Variants in MAP1B observed in about 807,000 individuals in gnomAD.
MAP1B encodes the protein microtubule associated protein 1B, also known as microtubule-associated protein 1B.
In MAP1B, 12 loss-of-function variants were observed where a neutral mutation model predicts 176.1. That is an observed-to-expected ratio of 0.07 (90% CI 0.04 to 0.11). The LOEUF (loss-of-function observed/expected upper bound fraction) is 0.11. MAP1B is among the 10% of genes least tolerant of loss of function. The pLI, the probability that MAP1B is intolerant of heterozygous loss-of-function variation, is 1.00. For synonymous variants in MAP1B, 1,044 were observed against 1,135.0 expected (o/e 0.92, Z 1.61); for missense variants, 2,523 against 2,990.5 (o/e 0.84, Z 3.65).
At chr5:72,201,242 C>T (rs767470371) in intron 5 of MAP1B, among the ~76,000 whole-genome samples, 4 of 80,338 alleles carry the variant, frequency 5.0e-5, no homozygotes, top group African/African-American at 2.4e-4. Context: ...TGTGGTGGCA[C>T]GTGCTTATAG....
intron 2 of MAP1B, among the ~76,000 whole-genome samples, chr5:72,152,485 C>T (rs192374532): frequency 1.1e-3 from 163 of 152,276 alleles, no homozygotes; most frequent in African/African-American, 3.8e-3. Flanking sequence ...CTCACTCTGT[C>T]ACTCAGGCTG....
rs1316332613 is a variant in MAP1B at position 72,203,796 on chromosome 5, A to G, written c.7246A>G (p.Met2416Val). Residue 2416 changes from methionine to valine, a missense_variant, in exon 6 of 7, where the codon ATG becomes GTG. Physicochemically the swap from Met to Val is conservative, Grantham distance 21. Transcript: ENST00000296755. ...AGGAAAGGCTCAGTGGGGCAGCAAC[A>G]TGCAGGTGAGAACTCCTCGACAGTG... is the stretch of plus-strand genomic sequence containing the variant. ...LEGKAQWGSN[M>V]QVTLIPTHDS... 5 of 1,612,162 alleles carry G rather than the reference A, an allele frequency of 3.1e-6. No individual in the cohort carries two copies. Among genetic ancestry groups the G allele is most frequent in the Admixed American group, 1.7e-5 (1 of 60,004 alleles).
chr5:72,153,764 A>C (rs551094324), intron 2 of MAP1B, among the ~76,000 whole-genome samples: 1 of 152,284 alleles, frequency 6.6e-6, no homozygotes, highest in African/African-American at 2.4e-5. Flanking sequence ...TGTTTAGAGA[A>C]CATTGGTCAA....
At position 72,194,817 on chromosome 5, in the gene MAP1B, C is replaced by T. The variant is rs770742484; in HGVS notation, c.1462C>T (p.Leu488=). ...ANPAEKIIRV[L]FPGNSTQYNI... is the part of the protein sequence containing the mutation. ...CCCTGCGGAGAAAATCATCCGAGTC[C>T]TGTTTCCTGGGAACAGCACCCAGTA... The change falls in exon 5 of 7, where the codon CTG becomes TTG. Residue 488 remains leucine, a synonymous_variant. Transcript: ENST00000296755. This position sits in a 1 kb window ranked among gnomAD's most constrained non-coding sequence, Gnocchi z 7.2. The T allele has an allele frequency of 9.3e-6, 15 of 1,614,098 alleles. No individual in the cohort carries two copies. Among genetic ancestry groups the T allele is most frequent in the Middle Eastern group, 1.6e-4 (1 of 6,084 alleles).
chr5:72,199,484 G>T lies in MAP1B; in HGVS notation c.6129G>T (p.Glu2043Asp). The part of the protein sequence containing the change: ...RTPDTSTYCY[E>D]TAEKITRTPQ... ...CTGATACTTCCACATACTGTTACGA[G>T]ACTGCAGAGAAAATCACTAGAACCC... Residue 2043 changes from glutamate (E) to aspartate (D), a missense_variant, in exon 5 of 7, where the codon GAG becomes GAT. Physicochemically the swap from Glu to Asp is conservative, Grantham distance 45 (BLOSUM62 2). This residue lies in a region of MAP1B where 1,925 missense variants were observed against 2,126.0 expected (regional missense o/e 0.91). Coordinates refer to ENST00000296755, the MANE Select transcript of MAP1B (RefSeq NM_005909.5). This position sits in a 1 kb window ranked among gnomAD's most constrained non-coding sequence, Gnocchi z 4.2. The T allele has an allele frequency of 6.2e-7, 1 of 1,614,102 alleles. No homozygotes were observed. The highest frequency in any genetic ancestry group is 8.5e-7 in the Non-Finnish European group (1 of 1,180,024).
chr5:72,133,899 G>A (rs1745783169), intron 2 of MAP1B, among the ~76,000 whole-genome samples: 1 of 152,172 alleles, frequency 6.6e-6, no homozygotes. Flanking sequence ...CTCTATACTT[G>A]AAGTTCCCAA....
intron 5 of MAP1B, among the ~76,000 whole-genome samples, chr5:72,203,126 A>T (rs1459889480): frequency 6.6e-6 from 1 of 152,212 alleles, no homozygotes; most frequent in African/African-American, 2.4e-5. Flanking sequence ...AAAATAGAGC[A>T]CTAAGATCAC....
intron 2 of MAP1B, among the ~76,000 whole-genome samples, chr5:72,121,079 A>G (rs1030147796): frequency 7.2e-5 from 11 of 152,200 alleles, no homozygotes; most frequent in African/African-American, 2.7e-4. Flanking sequence ...GCAATGCTTT[A>G]AAGTGCTGGC....
At position 72,194,749 on chromosome 5, in the gene MAP1B, A is replaced by C; in HGVS notation, c.1394A>C (p.Tyr465Ser). 6.2e-7 allele frequency: 1 copy of C among 1,614,180 alleles called. No homozygotes were observed. The highest frequency in any genetic ancestry group is 8.5e-7 in the Non-Finnish European group (1 of 1,180,036). Residue 465 changes from tyrosine (Y) to serine (S), a missense_variant, in exon 5 of 7, where the codon TAC becomes TCC. Around this residue, in one of 4 missense-constraint regions of MAP1B, gnomAD observed 1,925 missense variants for 2,126.0 expected, o/e 0.91. Transcript: ENST00000296755. This position sits in a 1 kb window ranked among gnomAD's most constrained non-coding sequence, Gnocchi z 7.2. ...CAAGAAGTAGATCTCCCGATTTCCT[A>C]CTTAACTTCAGTCTCATCTTTGATT... ...NGQEVDLPISYLTSVSSLIVW... is the reference protein window; with the variant it reads ...NGQEVDLPISSLTSVSSLIVW...
intron 2 of MAP1B, among the ~76,000 whole-genome samples, chr5:72,158,184 A>G (rs1746263468): frequency 6.7e-6 from 1 of 149,984 alleles, no homozygotes; most frequent in African/African-American, 2.5e-5. Flanking sequence ...AATTTTTTGT[A>G]TTTTTAGTAG....
chr5:72,160,037 A>G (rs1746299224), intron 2 of MAP1B, among the ~76,000 whole-genome samples: 3 of 152,152 alleles, frequency 2.0e-5, no homozygotes, highest in Non-Finnish European at 2.9e-5. Flanking sequence ...GAGGAGGGTA[A>G]AAATGTGTTT....
At chr5:72,135,510 A>G (rs1745823235) in intron 2 of MAP1B, among the ~76,000 whole-genome samples, 2 of 152,164 alleles carry the variant, frequency 1.3e-5, no homozygotes, top group South Asian at 2.1e-4. Context: ...CCCAGTAGCT[A>G]TGAGATTGAG....
At chr5:72,127,150 C>T (rs749943424) in intron 2 of MAP1B, among the ~76,000 whole-genome samples, 1 of 152,212 alleles carries the variant, frequency 6.6e-6, no homozygotes, top group Non-Finnish European at 1.5e-5. Flanking sequence ...GTCCCAGGCA[C>T]ATTGTTTGTT....
intron 1 of MAP1B, among the ~76,000 whole-genome samples, chr5:72,110,176 G>A (rs1180629741): frequency 6.6e-6 from 1 of 152,222 alleles, no homozygotes; most frequent in Non-Finnish European, 1.5e-5. Context: ...GGGTTACCCA[G>A]ATCAAGAAAC....
chr5:72,157,235 G>A (rs189824150), intron 2 of MAP1B, among the ~76,000 whole-genome samples: 1 of 152,108 alleles, frequency 6.6e-6, no homozygotes, highest in Non-Finnish European at 1.5e-5. Flanking sequence ...ACTCAGTTTG[G>A]AATGAGAGGG....
Position 72,195,672 on chromosome 5 carries a change from G to T in MAP1B, c.2317G>T (p.Ala773Ser). Reference protein sequence around the residue: ...EESVKKDSVAAGKPKEKGKIK... With the variant: ...EESVKKDSVASGKPKEKGKIK... ...GTCTGTCAAGAAAGATTCTGTTGCT[G>T]CCGGAAAGCCAAAGGAGAAGGGGAA... The change falls in exon 5 of 7, where the codon GCC (alanine) becomes TCC (serine). Residue 773 changes from alanine to serine, a missense_variant. Physicochemically the swap from Ala to Ser is moderately conservative, Grantham distance 99. This residue lies in a region of MAP1B where 1,925 missense variants were observed against 2,126.0 expected (regional missense o/e 0.91). Coordinates refer to ENST00000296755, the MANE Select transcript of MAP1B (RefSeq NM_005909.5). The T allele has an allele frequency of 6.2e-7, 1 of 1,614,218 alleles. No individual in the cohort carries two copies. Among genetic ancestry groups the T allele is most frequent in the Non-Finnish European group, 8.5e-7 (1 of 1,180,038 alleles).
intron 1 of MAP1B, among the ~76,000 whole-genome samples, chr5:72,109,081 C>T (rs1260481573): frequency 6.6e-6 from 1 of 152,306 alleles, no homozygotes; most frequent in African/African-American, 2.4e-5. Context: ...GAAAGAAAAA[C>T]CTTGTTTTAG....
rs534481306 is a variant in MAP1B, at chr5:72,199,251, C to G, written c.5896C>G (p.Pro1966Ala). Residue 1966 changes from proline (P) to alanine (A), a missense_variant, in exon 5 of 7, where the codon CCC (proline) becomes GCC (alanine). Coordinates refer to ENST00000296755, the MANE Select transcript of MAP1B (RefSeq NM_005909.5). The surrounding 1 kb of genome is among the most constrained non-coding windows in gnomAD (Gnocchi z 4.2). ...TGACATAAGTGAAAAGACCACCAGC[C>G]CCCCCGAAGTGAGTGGTTACAGCTA... ...SYDISEKTTSPPEVSGYSYEK... is the reference protein window; with the variant it reads ...SYDISEKTTSAPEVSGYSYEK... The G allele has an allele frequency of 2.4e-5, 39 of 1,613,842 alleles. No homozygotes were observed. The highest frequency in any genetic ancestry group is 3.2e-5 in the Non-Finnish European group (38 of 1,180,002).
At chr5:72,112,675 C>T (rs911860851) in intron 1 of MAP1B, among the ~76,000 whole-genome samples, 1 of 152,214 alleles carries the variant, frequency 6.6e-6, no homozygotes, top group South Asian at 2.1e-4. Flanking sequence ...AGCCACAGAG[C>T]AGGCCCAGAT....
Sources: allele counts gnomAD v4.1 joint callset (sites outside exome capture counted in the v4.1 genomes callset), GRCh38; gene constraint gnomAD v4.1.1; regional missense constraint gnomAD v4.1.1; non-coding constraint Gnocchi (gnomAD v3.1); transcripts MANE v1.5; gene names NCBI Gene and HGNC (gene_info 2026-07-23, HGNC 2026-07-21).